MATN2: variants seen among roughly 807,000 people sequenced by gnomAD.
MATN2 encodes the protein matrilin-2.
A neutral mutation model predicts 103.2 loss-of-function variants in MATN2; 69 were observed. The ratio of observed to expected loss-of-function variants is 0.67; its 90% CI spans 0.55 to 0.82. The LOEUF is 0.82. MATN2 is among the 40% of genes least tolerant of loss of function. The pLI, the probability that MATN2 is intolerant of heterozygous loss-of-function variation, is 0.00. For missense variants in MATN2, 1,023 were observed against 1,211.5 expected, an observed-to-expected ratio of 0.84 and a Z score of 2.31; for synonymous variants, 429 against 450.2, an observed-to-expected ratio of 0.95 and a Z score of 0.60.
At chr8:97,951,963 G>C (rs999429831) in intron 4 of MATN2, 1 of 152,176 alleles carries the variant, frequency 6.6e-6, no homozygotes, top group African/African-American at 2.4e-5. Context: ...AGTGACATTG[G>C]GTTTGTTTTG....
chr8:98,035,115 T>C lies in MATN2; in HGVS notation c.2816-542T>C, dbSNP rs6468612. 8.9e-3 allele frequency among the ~76,000 whole-genome samples: 1,361 copies of C among 152,128 alleles called. 12 individuals carry two copies. Among genetic ancestry groups the C allele is most frequent in the African/African-American group, 0.031 (1,267 of 41,516 alleles). ...GCTCACGTCTGTAATCCCAGCACTT[T>C]GGGAGGCCGAGGCAGGCAGATCACC... On this transcript the variant is annotated intron_variant, in intron 18 of 18. Coordinates refer to ENST00000254898, the MANE Select transcript of MATN2 (RefSeq NM_002380.5).
At chr8:97,968,289 C>T (rs999297758) in intron 5 of MATN2, among the ~76,000 whole-genome samples, 2 of 152,188 alleles carry the variant, frequency 1.3e-5, no homozygotes, top group Non-Finnish European at 2.9e-5. Context: ...AGGCCTTTTT[C>T]CCATGTCTTG....
At chr8:97,894,252 C>T (rs1402903277) in intron 2 of MATN2, among the ~76,000 whole-genome samples, 2 of 150,472 alleles carry the variant, frequency 1.3e-5, no homozygotes, top group Admixed American at 1.3e-4. Context: ...GACACCACAG[C>T]ATTTAGTAAA....
At chr8:97,978,849 T>C (rs1325693648) in intron 5 of MATN2, 37 bp from the exon 6 acceptor site, 1 of 1,611,598 alleles carries the variant, frequency 6.2e-7, no homozygotes, top group Non-Finnish European at 8.5e-7. Flanking sequence ...TTCCTCTGTT[T>C]GCATTTCTAA....
intron 7 of MATN2, among the ~76,000 whole-genome samples, chr8:97,998,837 G>A (rs1170789054): frequency 6.6e-6 from 1 of 151,762 alleles, no homozygotes; most frequent in African/African-American, 2.4e-5. Flanking sequence ...TTTTAGTGTG[G>A]CAAAATATAT....
chr8:97,885,582 T>C (rs1288111173), intron 1 of MATN2, among the ~76,000 whole-genome samples: 1 of 152,178 alleles, frequency 6.6e-6, no homozygotes, highest in Non-Finnish European at 1.5e-5. Flanking sequence ...GTTTTCTTCC[T>C]TTGTTCAGAA....
chr8:97,876,699 T>C lies in MATN2; in HGVS notation c.-27+7412T>C, dbSNP rs182522323. The stretch of plus-strand genomic sequence containing the variant: ...AGCAGCTGGATTAGTTTTCATGACA[T>C]AAACCCATGTGTAACCAGCATTTTG... On this transcript the variant is annotated intron_variant, in intron 1 of 18. Coordinates refer to ENST00000254898, the MANE Select transcript of MATN2 (RefSeq NM_002380.5). Among the ~76,000 whole-genome samples, 120 of 152,252 alleles carry C rather than the reference T, an allele frequency of 7.9e-4. 2 individuals carry two copies. The highest frequency in any genetic ancestry group is 5.4e-3 in the East Asian group (28 of 5,172).
At chr8:97,945,842 G>T (rs1186248332) in intron 4 of MATN2, among the ~76,000 whole-genome samples, 1 of 151,574 alleles carries the variant, frequency 6.6e-6, no homozygotes, top group Non-Finnish European at 1.5e-5. Flanking sequence ...TAGACTTCTG[G>T]CTTCCTCTCT....
At chr8:97,948,812 G>T (rs1482418834) in intron 4 of MATN2, among the ~76,000 whole-genome samples, 1 of 152,082 alleles carries the variant, frequency 6.6e-6, no homozygotes, top group Non-Finnish European at 1.5e-5. Context: ...GGTTGGCAAA[G>T]ATTTCTTAAA....
intron 5 of MATN2, among the ~76,000 whole-genome samples, chr8:97,971,365 G>A (rs1455490531): frequency 6.6e-6 from 1 of 152,142 alleles, no homozygotes; most frequent in African/African-American, 2.4e-5. Flanking sequence ...TCTTAGTCAT[G>A]GACTCAGCAT....
chr8:97,909,580 G>A (rs1819289922), intron 2 of MATN2, among the ~76,000 whole-genome samples: 1 of 152,170 alleles, frequency 6.6e-6, no homozygotes, highest in African/African-American at 2.4e-5. Flanking sequence ...TAATGTTGCA[G>A]GCAGAGAGAA....
intron 3 of MATN2, among the ~76,000 whole-genome samples, chr8:97,933,157 A>G (rs944480930): frequency 2.6e-5 from 4 of 152,214 alleles, no homozygotes; most frequent in African/African-American, 9.6e-5. Flanking sequence ...GCCATGAAGA[A>G]AAAAAGAACC....
intron 5 of MATN2, among the ~76,000 whole-genome samples, chr8:97,967,207 A>G (rs139770201): frequency 9.2e-5 from 14 of 152,300 alleles, no homozygotes; most frequent in African/African-American, 3.1e-4. Context: ...CACCTCCAAC[A>G]TTGGGAATCA....
At chr8:98,034,153 T>G in intron 18 of MATN2, 1 of 453,938 alleles carries the variant, frequency 2.2e-6, no homozygotes, top group South Asian at 1.6e-5. Context: ...GAGTGGTTTT[T>G]TCTTTTTTTT....
chr8:97,915,712 G>A (rs1487345408), intron 2 of MATN2, among the ~76,000 whole-genome samples: 1 of 152,208 alleles, frequency 6.6e-6, no homozygotes, highest in Non-Finnish European at 1.5e-5. Context: ...AGCAGATGAA[G>A]CAATTTATTC....
chr8:98,016,614 CA>C lies in MATN2; in HGVS notation c.1649del (p.Gln550ArgfsTer24), dbSNP rs1214035640. On this transcript the variant is annotated frameshift_variant, in exon 11 of 19. Coordinates refer to ENST00000254898, the MANE Select transcript of MATN2 (RefSeq NM_002380.5). LOFTEE classifies it high-confidence loss of function. ...CVSSEDSFVC[Q>X]CFEGYILRED... ...AAGCAGTGAAGATTCGTTTGTGTGCCAGTGCTTTGAAGGTTATATACTCCGT... is the reference window on the plus strand; with the variant it reads ...AAGCAGTGAAGATTCGTTTGTGTGCCGTGCTTTGAAGGTTATATACTCCGT... The C allele has an allele frequency of 1.2e-6, 2 of 1,612,226 alleles. No individual in the cohort carries two copies. The highest frequency in any genetic ancestry group is 3.3e-5 in the Admixed American group (2 of 59,796).
chr8:97,957,572 C>A (rs1397994415), intron 4 of MATN2, among the ~76,000 whole-genome samples: 2 of 152,230 alleles, frequency 1.3e-5, no homozygotes, highest in African/African-American at 4.8e-5. Flanking sequence ...GTTTGTGGGA[C>A]AGTTCTGGGA....
At chr8:97,990,634 G>A (rs1016368724) in intron 6 of MATN2, among the ~76,000 whole-genome samples, 1 of 152,122 alleles carries the variant, frequency 6.6e-6, no homozygotes, top group Non-Finnish European at 1.5e-5. Flanking sequence ...ATACTACTCT[G>A]CAATAAAAAG....
intron 1 of MATN2, among the ~76,000 whole-genome samples, chr8:97,878,928 G>C (rs1217296794): frequency 6.6e-6 from 1 of 152,142 alleles, no homozygotes; most frequent in African/African-American, 2.4e-5. Flanking sequence ...AGTACGTAGA[G>C]GAAGACATGG....
Sources: gnomAD v4.1 joint callset for allele counts (sites outside exome capture counted in the v4.1 genomes callset) on GRCh38, gnomAD v4.1.1 for gene constraint, MANE v1.5 for transcripts, NCBI Gene and HGNC (gene_info 2026-07-23, HGNC 2026-07-21) for gene names.